The following NOS2 variants were observed in gnomAD, a reference collection of about 807,000 sequenced individuals.
NOS2 encodes the protein nitric oxide synthase, inducible.
A neutral mutation model predicts 136.0 loss-of-function variants in NOS2; 96 were observed. The ratio of observed to expected loss-of-function variants is 0.71; its 90% confidence interval spans 0.60 to 0.84. The LOEUF is 0.84. Ranked by LOEUF, NOS2 falls within the 40% of genes least tolerant of loss-of-function variation. The probability of loss-of-function intolerance (pLI) is 0.00; values close to 1 mark genes in which losing one functional copy is unlikely to be tolerated. For missense variants in NOS2, 1,237 were observed against 1,496.9 expected, an observed-to-expected ratio of 0.83 and a Z score of 2.87; for synonymous variants, 539 against 587.5, an observed-to-expected ratio of 0.92 and a Z score of 1.20.
At chr17:27,779,114 A>T (rs540079791) in intron 9 of NOS2, 58 bp from the exon 10 acceptor site, 72 of 1,082,178 alleles carry the variant, frequency 6.7e-5, no homozygotes, top group African/African-American at 1.7e-4. Context: ...TTTTATTATT[A>T]TTTTTTTTTT....
chr17:27,785,127 C>T (rs1290037707), intron 5 of NOS2, among the ~76,000 whole-genome samples: 1 of 150,768 alleles, frequency 6.6e-6, no homozygotes, highest in Non-Finnish European at 1.5e-5. Flanking sequence ...TGCCTAGGTT[C>T]GAATCCCCAC....
At chr17:27,768,534 A>C (rs1426505764) in intron 17 of NOS2, among the ~76,000 whole-genome samples, 2 of 152,218 alleles carry the variant, frequency 1.3e-5, no homozygotes, top group African/African-American at 2.4e-5. Flanking sequence ...TGCATGAGTG[A>C]CGAGTTCCCT....
At position 27,793,212 on chromosome 17, in the gene NOS2, C is replaced by G. The variant is rs376972031; in HGVS notation, c.111-3524G>C. Among the ~76,000 whole-genome samples, 15 of 152,030 alleles carry G rather than the reference C, an allele frequency of 9.9e-5. No individual in the cohort carries two copies. In the East Asian group the frequency reaches 2.7e-3, roughly 28 times the overall value. On this transcript the variant is annotated intron_variant, in intron 2 of 26. Coordinates refer to ENST00000313735, the MANE Select transcript of NOS2 (RefSeq NM_000625.4). ...CAGATGGGGAGGGTGGGGGGGATGG[C>G]GCCCTGGGAAATGGATCTCATTTGT...
At chr17:27,785,588 C>G (rs969661633) in intron 5 of NOS2, among the ~76,000 whole-genome samples, 5 of 152,116 alleles carry the variant, frequency 3.3e-5, no homozygotes, top group African/African-American at 1.2e-4. Flanking sequence ...GGGTTGAGGA[C>G]CACCGACCCT....
At chr17:27,787,656 C>A in intron 5 of NOS2, 22 bp downstream of exon 5, 1 of 1,595,496 alleles carries the variant, frequency 6.3e-7, no homozygotes, top group Non-Finnish European at 8.6e-7. Context: ...GAGGCAGCGA[C>A]CCTGCAGGAG....
intron 18 of NOS2, among the ~76,000 whole-genome samples, chr17:27,767,228 G>A (rs1047529787): frequency 9.2e-5 from 14 of 152,206 alleles, no homozygotes; most frequent in Admixed American, 7.9e-4. Context: ...GCACCTGGGG[G>A]TGCAGAGTGG....
chr17:27,772,129 T>A (rs542069717), intron 14 of NOS2, among the ~76,000 whole-genome samples, 179 bp downstream of exon 14: 1 of 152,360 alleles, frequency 6.6e-6, no homozygotes, highest in South Asian at 2.1e-4. Flanking sequence ...GAAAAACTCA[T>A]CTACTGTGTA....
intron 25 of NOS2, among the ~76,000 whole-genome samples, chr17:27,759,577 C>T (rs1423334339): frequency 6.6e-6 from 1 of 152,098 alleles, no homozygotes; most frequent in Non-Finnish European, 1.5e-5. Flanking sequence ...CCAAGAGGTG[C>T]CCTGATGGGA....
Position 27,787,667 on chromosome 17 carries a change from G to T in NOS2, c.467+11C>A. 6.2e-7 allele frequency: 1 copy of T among 1,606,948 alleles called. No homozygotes were observed. The highest frequency in any genetic ancestry group is 8.5e-7 in the Non-Finnish European group (1 of 1,176,376). ...GCAGGAGGCAGCGACCCTGCAGGAGGCAAGCCTTACTCTTTGAAGGAGCCG... is the reference window on the plus strand; with the variant it reads ...GCAGGAGGCAGCGACCCTGCAGGAGTCAAGCCTTACTCTTTGAAGGAGCCG... On this transcript the variant is annotated intron_variant, in intron 5 of 26. Coordinates refer to ENST00000313735, the MANE Select transcript of NOS2 (RefSeq NM_000625.4).
chr17:27,760,543 G>A lies in NOS2; in HGVS notation c.3010+80C>T, dbSNP rs1908085267. The A allele has an allele frequency of 1.8e-5, 28 of 1,539,618 alleles. No individual in the cohort carries two copies. The South Asian group carries it at 3.0e-4, about 16-fold the overall frequency. ...CTTCCCTCGAGAGAGGTCAGGAACCGTTTGTGGGGCTGCAGTTCTGCTCCT... is the reference window on the plus strand; with the variant it reads ...CTTCCCTCGAGAGAGGTCAGGAACCATTTGTGGGGCTGCAGTTCTGCTCCT... On this transcript the variant is annotated intron_variant, in intron 24 of 26. Transcript: ENST00000313735.
At chr17:27,775,849 T>C (rs906437781) in intron 11 of NOS2, among the ~76,000 whole-genome samples, 1 of 152,234 alleles carries the variant, frequency 6.6e-6, no homozygotes, top group African/African-American at 2.4e-5. Flanking sequence ...AAGCAAAGCA[T>C]AGTAAGTGCT....
intron 5 of NOS2, 110 bp from the exon 6 acceptor site, chr17:27,783,216 C>A (rs1257589709): frequency 1.8e-5 from 22 of 1,221,914 alleles, no homozygotes; most frequent in Admixed American, 3.8e-5. Flanking sequence ...GGGCAAGATG[C>A]CTCTCACCAG....
rs770268351 is a variant in NOS2 at position 27,781,174 on chromosome 17, C to T, written c.726G>A (p.Ser242=). 45 of 1,605,904 alleles carry T rather than the reference C, an allele frequency of 2.8e-5. No individual in the cohort carries two copies. The highest frequency in any genetic ancestry group is 3.7e-5 in the Non-Finnish European group (44 of 1,179,590). ...RYSTNNGNIR[S]AITVFPQRSD... is the part of the protein sequence containing the mutation. The stretch of plus-strand genomic sequence containing the variant: ...TCCGCTGGGGGAACACGGTGATGGC[C>T]GACCTTCCCAGGACAGGAACAGTAC... The change falls in exon 8 of 27, where the codon TCG becomes TCA. Residue 242 remains serine, a synonymous_variant. Coordinates refer to ENST00000313735, the MANE Select transcript of NOS2 (RefSeq NM_000625.4).
chr17:27,773,139 A>G, intron 13 of NOS2, 22 bp downstream of exon 13: 1 of 1,581,428 alleles, frequency 6.3e-7, no homozygotes, highest in Non-Finnish European at 8.7e-7. Flanking sequence ...CATCACTACT[A>G]GCCACTGCCA....
At chr17:27,786,808 G>A (rs1421422020) in intron 5 of NOS2, among the ~76,000 whole-genome samples, 3 of 152,158 alleles carry the variant, frequency 2.0e-5, no homozygotes, top group Non-Finnish European at 4.4e-5. Context: ...GCACAGCTAG[G>A]ATTTGAACCT....
At position 27,774,687 on chromosome 17, in the gene NOS2, A is replaced by AC. The variant is rs1908608746; in HGVS notation, c.1282-237_1282-236insG. On this transcript the variant is annotated intron_variant, in intron 11 of 26. Coordinates refer to ENST00000313735, the MANE Select transcript of NOS2 (RefSeq NM_000625.4). ...TAGTCAGGGTCAGCCCACAGGTCCC[A>AC]TGGGGGCCTCCCTTAAGTCTTTGAG... Among the ~76,000 whole-genome samples, 3 of 152,224 alleles carry AC rather than the reference A, an allele frequency of 2.0e-5. No homozygotes were observed. The East Asian group carries it at 5.8e-4, about 29-fold the overall frequency.
intron 9 of NOS2, 101 bp downstream of exon 9, chr17:27,780,666 G>A (rs933101296): frequency 2.7e-6 from 4 of 1,488,418 alleles, no homozygotes; most frequent in African/African-American, 1.4e-5. Flanking sequence ...GCTGCTGGCT[G>A]GGCTTTAGGG....
intron 20 of NOS2, 101 bp downstream of exon 20, chr17:27,765,434 G>T: frequency 8.9e-7 from 1 of 1,119,764 alleles, no homozygotes; most frequent in Non-Finnish European, 1.3e-6. Context: ...CAGCAGGAAG[G>T]ACAGGGATGG....
Position 27,781,116 on chromosome 17 carries a change from C to G in NOS2, c.784G>C (p.Ala262Pro). ...DGKHDFRVWN[A>P]QLIRYAGYQM... ...TAGCCAGCATAGCGGATGAGCTGAG[C>G]ATTCCACACCCGGAAGTCGTGCTTG... The change falls in exon 8 of 27, where the codon GCT (alanine) becomes CCT (proline). Residue 262 changes from alanine to proline, a missense_variant. Transcript: ENST00000313735. 2 of 1,613,208 alleles carry G rather than the reference C, an allele frequency of 1.2e-6. No homozygotes were observed. The highest frequency in any genetic ancestry group is 1.7e-6 in the Non-Finnish European group (2 of 1,180,016).
Sources: allele counts gnomAD v4.1 joint callset (sites outside exome capture counted in the v4.1 genomes callset), GRCh38; gene constraint gnomAD v4.1.1; transcripts MANE v1.5; gene names NCBI Gene and HGNC (gene_info 2026-07-23, HGNC 2026-07-21).